Variants in ATP6V1G3 observed in about 807,000 individuals in gnomAD.
ATP6V1G3 encodes the protein V-type proton ATPase subunit G 3.
A neutral mutation model predicts 9.3 loss-of-function variants in ATP6V1G3; 9 were observed. The observed-to-expected ratio is 0.97, with a 90% CI of 0.59 to 1.69. The LOEUF (loss-of-function observed/expected upper bound fraction) is 1.69, where lower values mean the gene tolerates loss of function less well. Ranked by LOEUF, ATP6V1G3 falls within the 40% of genes most tolerant of loss-of-function variation. The pLI is 0.00. For missense variants in ATP6V1G3, 133 were observed against 139.0 expected (o/e 0.96, Z 0.22); for synonymous variants, 43 against 43.8 (o/e 0.98, Z 0.07).
At chr1:198,536,743 AC>A in intron 1 of ATP6V1G3, 1 of 1,586,112 alleles carries the variant, frequency 6.3e-7, no homozygotes, top group Non-Finnish European at 8.7e-7. Context: ...AGGGGTAAAA[AC>A]AAATGGAATG....
chr1:198,525,791 T>C (rs763218869), intron 2 of ATP6V1G3, among the ~76,000 whole-genome samples: 5 of 152,156 alleles, frequency 3.3e-5, no homozygotes, highest in Non-Finnish European at 7.4e-5. Flanking sequence ...ACATGTGAAG[T>C]GGTCACCATT....
At chr1:198,536,306 A>G (rs1018884671) in intron 1 of ATP6V1G3, among the ~76,000 whole-genome samples, 5 of 152,200 alleles carry the variant, frequency 3.3e-5, no homozygotes, top group African/African-American at 1.2e-4. Flanking sequence ...AAAATGCAAC[A>G]TATTTCAGAG....
intron 2 of ATP6V1G3, among the ~76,000 whole-genome samples, chr1:198,528,210 C>T (rs1398171957): frequency 6.6e-6 from 1 of 151,992 alleles, no homozygotes; most frequent in Non-Finnish European, 1.5e-5. Context: ...CTAGAAAGGA[C>T]CTTTTTTATT....
chr1:198,525,485 T>G (rs1010493727), intron 2 of ATP6V1G3, among the ~76,000 whole-genome samples: 7 of 152,112 alleles, frequency 4.6e-5, no homozygotes, highest in African/African-American at 1.7e-4. Context: ...GCAAACCAGA[T>G]TCATTGGTAA....
intron 1 of ATP6V1G3, among the ~76,000 whole-genome samples, chr1:198,533,777 C>A (rs982215486): frequency 2.0e-5 from 3 of 151,932 alleles, no homozygotes; most frequent in Non-Finnish European, 4.4e-5. Context: ...AATTGGGGTC[C>A]GACTTTAAGG....
intron 1 of ATP6V1G3, among the ~76,000 whole-genome samples, chr1:198,540,044 C>A (rs58723076): frequency 0.069 from 10,397 of 151,696 alleles, 532 homozygotes; most frequent in South Asian, 0.23. Context: ...CATAGTGAGA[C>A]CCTCATCTCT....
chr1:198,532,719 G>A (rs1001256162), intron 1 of ATP6V1G3, among the ~76,000 whole-genome samples: 1 of 152,254 alleles, frequency 6.6e-6, no homozygotes, highest in African/African-American at 2.4e-5. Flanking sequence ...TATCTGAAGG[G>A]GGAGAGTCTT....
chr1:198,535,690 T>C (rs1048578381), intron 1 of ATP6V1G3, among the ~76,000 whole-genome samples: 2 of 152,160 alleles, frequency 1.3e-5, no homozygotes, highest in African/African-American at 4.8e-5. Context: ...AAGTCTTTTA[T>C]AAGAGTTAAC....
Position 198,530,008 on chromosome 1 carries a change from G to T in ATP6V1G3, c.83-827C>A, listed in dbSNP as rs191614920. Among the ~76,000 whole-genome samples, 265 of 152,058 alleles carry T rather than the reference G, an allele frequency of 1.7e-3. 2 individuals are homozygous for T. Among genetic ancestry groups the T allele is most frequent in the African/African-American group, 5.9e-3 (246 of 41,470 alleles). On this transcript the variant is annotated intron_variant, in intron 1 of 2. Coordinates refer to ENST00000367382, the MANE Select transcript of ATP6V1G3 (RefSeq NM_001376861.1). ...TTGACAACCAGAGTAAGTTTGGGGG[G>T]GGTTACAGACAAATATTAATTGGTG... is the stretch of plus-strand genomic sequence containing the variant.
intron 2 of ATP6V1G3, among the ~76,000 whole-genome samples, chr1:198,527,020 C>T (rs777208579): frequency 3.3e-5 from 5 of 152,078 alleles, no homozygotes; most frequent in African/African-American, 7.2e-5. Flanking sequence ...TACCTGCTTC[C>T]GTTGATAAGT....
chr1:198,529,743 A>G (rs528607058), intron 1 of ATP6V1G3, among the ~76,000 whole-genome samples: 1 of 152,222 alleles, frequency 6.6e-6, no homozygotes, highest in Non-Finnish European at 1.5e-5. Flanking sequence ...TGACTCTACA[A>G]TGTCTGATTA....
At chr1:198,540,504 A>T in intron 1 of ATP6V1G3, 65 bp downstream of exon 1, 1 of 1,533,950 alleles carries the variant, frequency 6.5e-7, no homozygotes. Flanking sequence ...CCAAAAGTCT[A>T]TGCTTATCCC....
At chr1:198,534,652 A>C (rs1270742486) in intron 1 of ATP6V1G3, among the ~76,000 whole-genome samples, 3 of 152,234 alleles carry the variant, frequency 2.0e-5, no homozygotes, top group Non-Finnish European at 4.4e-5. Context: ...GTAGGTATTG[A>C]AATGAATGTG....
intron 1 of ATP6V1G3, among the ~76,000 whole-genome samples, chr1:198,540,050 T>A (rs1305736441): frequency 6.6e-6 from 1 of 151,774 alleles, no homozygotes; most frequent in Non-Finnish European, 1.5e-5. Flanking sequence ...GAGACCCTCA[T>A]CTCTTAAAAA....
chr1:198,525,306 CTG>C (rs1659612531), intron 2 of ATP6V1G3, among the ~76,000 whole-genome samples: 1 of 152,044 alleles, frequency 6.6e-6, no homozygotes. Context: ...TAAAAACAAA[CTG>C]TTGTGAAACT....
At chr1:198,539,751 G>T (rs773638920) in intron 1 of ATP6V1G3, among the ~76,000 whole-genome samples, 2 of 152,142 alleles carry the variant, frequency 1.3e-5, no homozygotes, top group Non-Finnish European at 2.9e-5. Flanking sequence ...ATGGTGCCTG[G>T]CACAATATTT....
chr1:198,539,992 C>T (rs1243976173), intron 1 of ATP6V1G3, among the ~76,000 whole-genome samples: 2 of 152,040 alleles, frequency 1.3e-5, no homozygotes, highest in African/African-American at 4.8e-5. Context: ...GCTGAGGCAG[C>T]AGGATCTCTT....
rs114093586 is a variant in ATP6V1G3, at chr1:198,530,509, A to C, written c.83-1328T>G. Among the ~76,000 whole-genome samples, 1,350 of 152,292 alleles carry C rather than the reference A, an allele frequency of 8.9e-3. 26 individuals carry two copies. Among genetic ancestry groups the C allele is most frequent in the African/African-American group, 0.031 (1,279 of 41,552 alleles). On this transcript the variant is annotated intron_variant, in intron 1 of 2. Coordinates refer to ENST00000367382, the MANE Select transcript of ATP6V1G3 (RefSeq NM_001376861.1). The stretch of plus-strand genomic sequence containing the variant: ...CTCTTTTAATATCTACCACCCTTGA[A>C]TGGAACTGGGAAGTCCTCATTCAGA...
chr1:198,534,492 T>A (rs1660029414), intron 1 of ATP6V1G3, among the ~76,000 whole-genome samples: 1 of 152,142 alleles, frequency 6.6e-6, no homozygotes, highest in South Asian at 2.1e-4. Flanking sequence ...AATGGTGAGA[T>A]AATCAATTTC....
Sources: gnomAD v4.1 joint callset for allele counts (sites outside exome capture counted in the v4.1 genomes callset) on GRCh38, gnomAD v4.1.1 for gene constraint, MANE v1.5 for transcripts, NCBI Gene and HGNC (gene_info 2026-07-23, HGNC 2026-07-21) for gene names.